Variants in GPC5 observed in about 807,000 individuals in gnomAD.
The protein encoded by GPC5 is glypican 5, also known as glypican-5.
In GPC5, 47 loss-of-function variants were observed where a neutral mutation model predicts 53.9. The ratio of observed to expected loss-of-function variants is 0.87; its 90% confidence interval spans 0.69 to 1.11. The LOEUF is 1.11. Among genes scored for constraint, GPC5 ranks in the 50% most tolerant of loss-of-function variants. The pLI, the probability that GPC5 is intolerant of heterozygous loss-of-function variation, is 0.00. For synonymous variants in GPC5, 286 were observed against 263.3 expected (o/e 1.09, Z -0.84); for missense variants, 748 against 713.1 (o/e 1.05, Z -0.56).
intron 7 of GPC5, among the ~76,000 whole-genome samples, chr13:92,696,458 C>T (rs1242143244): frequency 6.6e-6 from 1 of 152,170 alleles, no homozygotes; most frequent in Non-Finnish European, 1.5e-5. Context: ...TGATGATTAG[C>T]TTTTTTAAAT....
chr13:91,499,362 CAA>C (rs767360193), intron 2 of GPC5, among the ~76,000 whole-genome samples: 10 of 151,932 alleles, frequency 6.6e-5, no homozygotes, highest in Admixed American at 4.6e-4. Context: ...AATATTGAAA[CAA>C]GAGAGGGAGA....
At chr13:91,683,079 T>C (rs1293775109) in intron 2 of GPC5, among the ~76,000 whole-genome samples, 14 of 151,142 alleles carry the variant, frequency 9.3e-5, no homozygotes, top group Non-Finnish European at 1.9e-4. Context: ...GAATGGAGGA[T>C]CGCGAGATGG....
intron 7 of GPC5, among the ~76,000 whole-genome samples, chr13:92,339,204 A>C (rs187234457): frequency 6.6e-6 from 1 of 151,314 alleles, no homozygotes; most frequent in Admixed American, 6.6e-5. Context: ...CAATATATAC[A>C]TTATGCTATT....
chr13:91,743,421 TG>T (rs1176673970), intron 4 of GPC5, among the ~76,000 whole-genome samples: 1 of 152,170 alleles, frequency 6.6e-6, no homozygotes, highest in African/African-American at 2.4e-5. Context: ...AGAAACAGGA[TG>T]GGTCCTTCAT....
chr13:92,836,806 G>A (rs548024511), intron 7 of GPC5, among the ~76,000 whole-genome samples: 3 of 152,128 alleles, frequency 2.0e-5, no homozygotes, highest in African/African-American at 7.2e-5. Flanking sequence ...AATAAAGTCT[G>A]TATGAGAAAA....
intron 7 of GPC5, among the ~76,000 whole-genome samples, chr13:92,444,212 G>C (rs550811250): frequency 6.6e-6 from 1 of 152,148 alleles, no homozygotes; most frequent in South Asian, 2.1e-4. Context: ...TACACAGCAG[G>C]TATTGTCTGG....
At chr13:92,640,450 C>A (rs1594373686) in intron 7 of GPC5, among the ~76,000 whole-genome samples, 1 of 152,036 alleles carries the variant, frequency 6.6e-6, no homozygotes, top group African/African-American at 2.4e-5. Flanking sequence ...TTAGTAGAGA[C>A]GGAGTTTCAC....
intron 7 of GPC5, among the ~76,000 whole-genome samples, chr13:92,201,476 A>G (rs2042294963): frequency 6.6e-6 from 1 of 152,362 alleles, no homozygotes; most frequent in Non-Finnish European, 1.5e-5. Context: ...ACAAAAAAAT[A>G]CATATTGTCT....
chr13:92,572,424 C>G (rs75492964), intron 7 of GPC5, among the ~76,000 whole-genome samples: 3,134 of 152,166 alleles, frequency 0.021, 116 homozygotes, highest in African/African-American at 0.071. Flanking sequence ...TACCATCATT[C>G]TTTGTTGTGT....
At chr13:91,442,225 A>G (rs1880492424) in intron 1 of GPC5, among the ~76,000 whole-genome samples, 1 of 152,364 alleles carries the variant, frequency 6.6e-6, no homozygotes, top group South Asian at 2.1e-4. Flanking sequence ...AAGTCCTTCC[A>G]TGAGTCCCAT....
chr13:91,792,344 G>T (rs1291179227), intron 5 of GPC5, among the ~76,000 whole-genome samples: 1 of 152,154 alleles, frequency 6.6e-6, no homozygotes, highest in Non-Finnish European at 1.5e-5. Flanking sequence ...AGAGCAAAAT[G>T]ATAGTCTCAA....
chr13:92,425,137 C>T (rs1039224895), intron 7 of GPC5, among the ~76,000 whole-genome samples: 7 of 151,976 alleles, frequency 4.6e-5, no homozygotes, highest in African/African-American at 1.7e-4. Context: ...AATCAATCTC[C>T]ATTGATGCCT....
intron 7 of GPC5, among the ~76,000 whole-genome samples, chr13:92,844,061 A>G (rs972468048): frequency 6.6e-6 from 1 of 151,776 alleles, no homozygotes; most frequent in Admixed American, 6.6e-5. Context: ...ATGAATTAGG[A>G]AACAGAGGGT....
chr13:92,825,181 T>C (rs1228082739), intron 7 of GPC5, among the ~76,000 whole-genome samples: 1 of 152,102 alleles, frequency 6.6e-6, no homozygotes, highest in Non-Finnish European at 1.5e-5. Context: ...GCACGATCCG[T>C]GTGCCTGAGA....
At chr13:91,625,175 G>T (rs947852069) in intron 2 of GPC5, among the ~76,000 whole-genome samples, 3 of 151,240 alleles carry the variant, frequency 2.0e-5, no homozygotes. Context: ...AACTACATAG[G>T]CCAAAGAGAT....
At chr13:92,009,876 C>T (rs1474756398) in intron 6 of GPC5, among the ~76,000 whole-genome samples, 1 of 152,152 alleles carries the variant, frequency 6.6e-6, no homozygotes, top group Non-Finnish European at 1.5e-5. Flanking sequence ...AAGCTTAAAA[C>T]CATATTTCAC....
intron 5 of GPC5, among the ~76,000 whole-genome samples, chr13:91,861,527 C>T (rs1339989834): frequency 6.6e-6 from 1 of 151,966 alleles, no homozygotes; most frequent in Non-Finnish European, 1.5e-5. Flanking sequence ...GATACAGCCA[C>T]ACAAGCTTCC....
intron 7 of GPC5, among the ~76,000 whole-genome samples, chr13:92,354,713 A>G (rs1203230247): frequency 6.6e-6 from 1 of 152,222 alleles, no homozygotes; most frequent in African/African-American, 2.4e-5. Context: ...ATAACCGATG[A>G]GATGGGATTT....
At chr13:92,850,829 A>C (rs925971650) in intron 7 of GPC5, among the ~76,000 whole-genome samples, 1 of 152,240 alleles carries the variant, frequency 6.6e-6, no homozygotes, top group Non-Finnish European at 1.5e-5. Context: ...GGGTAAAAGT[A>C]AAAGTATTAT....
Sources: gnomAD v4.1 joint callset for allele counts (sites outside exome capture counted in the v4.1 genomes callset) on GRCh38, gnomAD v4.1.1 for gene constraint, MANE v1.5 for transcripts, NCBI Gene and HGNC (gene_info 2026-07-23, HGNC 2026-07-21) for gene names.